The following ATP8B3 variants were observed in gnomAD, a reference collection of about 807,000 sequenced individuals.
The protein encoded by ATP8B3 is ATPase phospholipid transporting 8B3, also known as phospholipid-transporting ATPase IK.
A neutral mutation model predicts 140.9 loss-of-function variants in ATP8B3; 141 were observed. The observed-to-expected ratio is 1.00, with a 90% CI of 0.87 to 1.15. The LOEUF (loss-of-function observed/expected upper bound fraction) is 1.15, where lower values mean the gene tolerates loss of function less well. Ranked by LOEUF, ATP8B3 falls within the 50% of genes most tolerant of loss-of-function variation. The pLI, the probability that ATP8B3 is intolerant of heterozygous loss-of-function variation, is 0.00. For missense variants in ATP8B3, 1,874 were observed against 1,740.6 expected, an observed-to-expected ratio of 1.08 and a Z score of -1.36; for synonymous variants, 765 against 714.6, an observed-to-expected ratio of 1.07 and a Z score of -1.13.
Position 1,795,882 on chromosome 19 carries a change from G to A in ATP8B3, c.2048C>T (p.Ala683Val). ...RGAMEFATEE[A>V]LAAFAQETLR... Reference sequence around the variant, plus strand: ...CTTCCTGAAGGGACTCACAGCCAAGGCCTCCTCTGTGGCAAATTCCATTGC... The same window carrying A: ...CTTCCTGAAGGGACTCACAGCCAAGACCTCCTCTGTGGCAAATTCCATTGC... Residue 683 changes from alanine to valine, a missense_variant, in exon 18 of 29, where the codon GCC becomes GTC. Physicochemically the swap from Ala to Val is moderately conservative, Grantham distance 64. Around this residue, in one of 3 missense-constraint regions of ATP8B3, gnomAD observed 1,032 missense variants for 963.6 expected, o/e 1.07. Coordinates refer to ENST00000310127, the MANE Select transcript of ATP8B3 (RefSeq NM_138813.4). 4 of 1,600,606 alleles carry A rather than the reference G, an allele frequency of 2.5e-6. No individual in the cohort carries two copies. The highest frequency in any genetic ancestry group is 3.4e-6 in the Non-Finnish European group (4 of 1,175,466).
At chr19:1,791,038 C>A (rs533593876) in intron 20 of ATP8B3, among the ~76,000 whole-genome samples, 5 of 152,158 alleles carry the variant, frequency 3.3e-5, no homozygotes, top group African/African-American at 4.8e-5. Flanking sequence ...TAGTTCTGGC[C>A]GGGACTGGGC....
At position 1,789,267 on chromosome 19, in the gene ATP8B3, C is replaced by G. The variant is rs1274851826; in HGVS notation, c.2845+94G>C. 9 of 1,355,134 alleles carry G rather than the reference C, an allele frequency of 6.6e-6. No individual in the cohort carries two copies. In the South Asian group the frequency reaches 7.3e-5, roughly 11 times the overall value. The allele number at this position is 1,355,134 out of a possible 1,614,324, so 83.9% of individuals were successfully genotyped here. A position where few individuals can be genotyped will look rare whatever the true frequency, so the allele number is the denominator to read the frequency against. On this transcript the variant is annotated intron_variant, in intron 23 of 28. Coordinates refer to ENST00000310127, the MANE Select transcript of ATP8B3 (RefSeq NM_138813.4). ...CACCGCCGCCTCCATCAGCGCCCCCCTCACCTGCCCCAGGTCCCCCCAGTC... is the reference window on the plus strand; with the variant it reads ...CACCGCCGCCTCCATCAGCGCCCCCGTCACCTGCCCCAGGTCCCCCCAGTC...
rs543835913 is a variant in ATP8B3 at position 1,807,502 on chromosome 19, C to T, written c.517-236G>A. Among the ~76,000 whole-genome samples, 86 of 152,280 alleles carry T rather than the reference C, an allele frequency of 5.6e-4. No individual in the cohort carries two copies. The highest frequency in any genetic ancestry group is 1.6e-3 in the African/African-American group (68 of 41,564). On this transcript the variant is annotated intron_variant, in intron 5 of 28. Transcript: ENST00000310127. This position sits in a 1 kb window ranked among gnomAD's most constrained non-coding sequence, Gnocchi z 5.9. ...TCTCCCCAGCAAACTCCCCTTCTCC[C>T]GTCCAAGCCCAGCTCCCACGGTGCC...
chr19:1,784,686 C>T (rs2068246520), intron 28 of ATP8B3, 133 bp downstream of exon 28: 1 of 1,275,888 alleles, frequency 7.8e-7, no homozygotes, highest in Non-Finnish European at 1.1e-6. Flanking sequence ...CCGCACCCAC[C>T]CTTCCCCCAA....
chr19:1,810,041 G>T (rs569530147), intron 3 of ATP8B3, among the ~76,000 whole-genome samples: 4 of 152,226 alleles, frequency 2.6e-5, no homozygotes, highest in Non-Finnish European at 5.9e-5. Flanking sequence ...TACAGAGGGG[G>T]GTAAACTGAG....
chr19:1,801,778 A>G (rs1162883082), intron 12 of ATP8B3, among the ~76,000 whole-genome samples, 178 bp downstream of exon 12: 3 of 152,050 alleles, frequency 2.0e-5, no homozygotes. Context: ...CATAATTATT[A>G]TTATTTTATA....
chr19:1,803,239 T>A (rs12463241), intron 10 of ATP8B3, among the ~76,000 whole-genome samples: 1 of 151,734 alleles, frequency 6.6e-6, no homozygotes, highest in Non-Finnish European at 1.5e-5. Context: ...TCAGTGAGGG[T>A]TAAAATGACA....
chr19:1,802,990 T>A (rs1187272766), intron 10 of ATP8B3, among the ~76,000 whole-genome samples: 1 of 152,170 alleles, frequency 6.6e-6, no homozygotes, highest in African/African-American at 2.4e-5. Flanking sequence ...GTGAACTCCA[T>A]GAGAACTGGT....
chr19:1,792,200 C>T lies in ATP8B3; in HGVS notation c.2056-65G>A, dbSNP rs866540245. 2.2e-5 allele frequency: 33 copies of T among 1,468,494 alleles called. No individual in the cohort carries two copies. In the African/African-American group the frequency reaches 3.9e-4, roughly 18 times the overall value. 91.0% of individuals were successfully genotyped at this position (1,468,494 alleles called of 1,614,324 possible). The stretch of plus-strand genomic sequence containing the variant: ...CCGACATCCGAGGCTCAGCCCTCCC[C>T]AACCCCCTGCCGGGCTCCGGAGCCT... On this transcript the variant is annotated intron_variant, in intron 18 of 28. Transcript: ENST00000310127.
intron 16 of ATP8B3, 51 bp downstream of exon 16, chr19:1,796,660 C>T (rs377238787): frequency 1.7e-5 from 27 of 1,574,706 alleles, no homozygotes; most frequent in Middle Eastern, 2.3e-4. Context: ...GGGACACTGC[C>T]GTGCCCCGGG....
chr19:1,796,938 C>G, intron 15 of ATP8B3, 36 bp downstream of exon 15: 1 of 1,612,442 alleles, frequency 6.2e-7, no homozygotes, highest in East Asian at 2.2e-5. Context: ...GCCCCGTCCC[C>G]CTCACCGTCC....
Position 1,805,298 on chromosome 19 carries a change from A to G in ATP8B3, c.904+76T>C. 7.1e-7 allele frequency: 1 copy of G among 1,406,618 alleles called. No individual in the cohort carries two copies. The highest frequency in any genetic ancestry group is 9.8e-7 in the Non-Finnish European group (1 of 1,015,938). 87.1% of individuals were successfully genotyped at this position (1,406,618 alleles called of 1,614,324 possible). A position where few individuals can be genotyped will look rare whatever the true frequency, so the allele number is the denominator to read the frequency against. On this transcript the variant is annotated intron_variant, in intron 10 of 28. Coordinates refer to ENST00000310127, the MANE Select transcript of ATP8B3 (RefSeq NM_138813.4). This position sits in a 1 kb window ranked among gnomAD's most constrained non-coding sequence, Gnocchi z 5.2. ...CCAGCACCTTGTTTTAAAAACAGTA[A>G]TAACAACAACAAAATACCCTAACTT...
chr19:1,782,524 C>T lies in ATP8B3; in HGVS notation c.*504G>A, dbSNP rs537079436. ...TGTGGGTCTTGTCTGGAAGTGGCAC[C>T]GTCCCCTCCTTGGGGGTGTGAGGCT... On this transcript the variant is annotated 3_prime_UTR_variant, in exon 29 of 29. Coordinates refer to ENST00000310127, the MANE Select transcript of ATP8B3 (RefSeq NM_138813.4). 5 of 197,496 alleles carry T rather than the reference C, an allele frequency of 2.5e-5. No individual in the cohort carries two copies. The highest frequency in any genetic ancestry group is 4.7e-5 in the African/African-American group (2 of 42,358). The allele number at this position is 197,496 out of a possible 1,614,324, so 12.2% of individuals were successfully genotyped here.
intron 25 of ATP8B3, among the ~76,000 whole-genome samples, chr19:1,786,741 C>T (rs1600391691): frequency 6.6e-6 from 1 of 151,910 alleles, no homozygotes; most frequent in South Asian, 2.1e-4. Flanking sequence ...TGTGACCCAC[C>T]CTCCCAACCC....
rs200251268 is a variant in ATP8B3, at chr19:1,811,725, G to A, written c.12C>T (p.Gly4=). Residue 4 remains glycine, a synonymous_variant, in exon 2 of 29, where the codon GGC becomes GGT. Transcript: ENST00000310127. ...TGGTGCTCCTGGGAGTCTGAGCGGG[G>A]CCAGTGCCCATTCACCGCATGAGGA... The part of the protein sequence containing the change: MGT[G]PAQTPRSTRA... The A allele has an allele frequency of 1.2e-5, 19 of 1,594,254 alleles. No individual in the cohort carries two copies. The highest frequency in any genetic ancestry group is 1.1e-4 in the African/African-American group (8 of 74,864).
At position 1,811,709 on chromosome 19, in the gene ATP8B3, T is replaced by C. The variant is rs1463754291; in HGVS notation, c.28A>G (p.Arg10Gly). The change falls in exon 2 of 29, where the codon AGG becomes GGG. Residue 10 changes from arginine (R) to glycine (G), a missense_variant. Physicochemically the swap from Arg to Gly is moderately radical, Grantham distance 125. Transcript: ENST00000310127. ...GGCTCAGGGCCAGCTCTGGTGCTCC[T>C]GGGAGTCTGAGCGGGGCCAGTGCCC... MGTGPAQTP[R>G]STRAGPEPSP... 12 of 1,602,752 alleles carry C rather than the reference T, an allele frequency of 7.5e-6. No homozygotes were observed. The highest frequency in any genetic ancestry group is 1.0e-5 in the Non-Finnish European group (12 of 1,178,224).
At position 1,782,322 on chromosome 19, in the gene ATP8B3, A is replaced by AATT; in HGVS notation, c.*705_*706insAAT. The AATT allele has an allele frequency of 1.2e-5, 4 of 337,274 alleles. No homozygotes were observed. The highest frequency in any genetic ancestry group is 5.0e-5 in the Admixed American group (1 of 19,858). The allele number at this position is 337,274 out of a possible 1,614,324, so 20.9% of individuals were successfully genotyped here. A position where few individuals can be genotyped will look rare whatever the true frequency, so the allele number is the denominator to read the frequency against. On this transcript the variant is annotated 3_prime_UTR_variant, in exon 29 of 29. Transcript: ENST00000310127. ...TGCTGAACCCTGGTCCCCTCCGCAGAGGGCAATGACTGCTCCTCTGGGGGC... is the reference window on the plus strand; with the variant it reads ...TGCTGAACCCTGGTCCCCTCCGCAGAATTGGGCAATGACTGCTCCTCTGGGGGC...
chr19:1,804,766 A>T (rs564397016), intron 10 of ATP8B3, among the ~76,000 whole-genome samples: 5 of 152,272 alleles, frequency 3.3e-5, no homozygotes. Flanking sequence ...AGATCGCACC[A>T]CTGCACTCCA....
chr19:1,800,765 A>T lies in ATP8B3; in HGVS notation c.1153-316T>A, dbSNP rs1266692339. 1.3e-5 allele frequency among the ~76,000 whole-genome samples: 2 copies of T among 151,980 alleles called. No individual in the cohort carries two copies. The highest frequency in any genetic ancestry group is 4.8e-5 in the African/African-American group (2 of 41,378). On this transcript the variant is annotated intron_variant, in intron 12 of 28. Coordinates refer to ENST00000310127, the MANE Select transcript of ATP8B3 (RefSeq NM_138813.4). This position sits in a 1 kb window ranked among gnomAD's most constrained non-coding sequence, Gnocchi z 4.4. ...CTTGAGCCCAGGAGGCTGCAGTGAG[A>T]TATCATGGCGCCACTGCACTCCATC...
Sources: gnomAD v4.1 joint callset for allele counts (sites outside exome capture counted in the v4.1 genomes callset) on GRCh38, gnomAD v4.1.1 for gene constraint, gnomAD v4.1.1 regional missense constraint, Gnocchi (gnomAD v3.1) non-coding constraint, MANE v1.5 for transcripts, NCBI Gene and HGNC (gene_info 2026-07-23, HGNC 2026-07-21) for gene names.